LPXN: variants seen among roughly 807,000 people sequenced by gnomAD.
LPXN encodes the protein leupaxin.
Under a neutral mutation model 45.6 loss-of-function variants are expected in LPXN, and 28 were observed. The ratio of observed to expected loss-of-function variants is 0.61; its 90% CI spans 0.45 to 0.84. The LOEUF (loss-of-function observed/expected upper bound fraction) is 0.84. Among genes scored for constraint, LPXN ranks in the 40% least tolerant of loss-of-function variants. LPXN has a pLI of 0.00. For missense variants in LPXN, 459 were observed against 475.0 expected, an observed-to-expected ratio of 0.97 and a Z score of 0.31; for synonymous variants, 166 against 169.9, an observed-to-expected ratio of 0.98 and a Z score of 0.18.
chr11:58,559,098 C>T (rs370623255), intron 3 of LPXN, among the ~76,000 whole-genome samples: 1 of 152,032 alleles, frequency 6.6e-6, no homozygotes, highest in Middle Eastern at 3.4e-3. Context: ...TAAAAATACC[C>T]TCAACCTCAT....
In LPXN at chr11:58,570,619, C is replaced by A; in HGVS notation, c.108G>T (p.Lys36Asn). The A allele has an allele frequency of 6.2e-7, 1 of 1,613,744 alleles. No individual in the cohort carries two copies. Among genetic ancestry groups the A allele is most frequent in the Non-Finnish European group, 8.5e-7 (1 of 1,179,870 alleles). Residue 36 changes from lysine to asparagine, a missense_variant, in exon 2 of 9, where the codon AAG becomes AAT. By Grantham distance (94) the Lys-to-Asn change is moderately conservative. Transcript: ENST00000395074. The stretch of plus-strand genomic sequence containing the variant: ...CCGAAGTCTCATCAAGGTTAGTCTC[C>A]TTTCTGGAATGCTGATCCAGGGGAA... ...APLPLDQHSR[K>N]ETNLDETSEI...
upstream of LPXN, among the ~76,000 whole-genome samples, chr11:58,577,411 TAC>T (rs1854928816): frequency 6.6e-6 from 1 of 152,250 alleles, no homozygotes; most frequent in African/African-American, 2.4e-5. Flanking sequence ...AGCACTTGTC[TAC>T]AGTTTAACTG....
chr11:58,543,116 C>T (rs891583678), intron 7 of LPXN, among the ~76,000 whole-genome samples: 6 of 152,138 alleles, frequency 3.9e-5, no homozygotes, highest in Non-Finnish European at 5.9e-5. Context: ...CTCTCTCTCG[C>T]CATGCAGAGT....
In LPXN at chr11:58,527,714, T is replaced by G; in HGVS notation, c.901A>C (p.Thr301Pro). 1 of 1,613,770 alleles carries G rather than the reference T, an allele frequency of 6.2e-7. No homozygotes were observed. Among genetic ancestry groups the G allele is most frequent in the Non-Finnish European group, 8.5e-7 (1 of 1,179,888 alleles). ...PECFVCGDCF[T>P]SFSTGSFFEL... is the part of the protein sequence containing the mutation. ...AAGAAGGAGCCAGTAGAAAAACTGG[T>G]GAAGCAGTCCTGGGGTAGAGAGAAG... is the stretch of plus-strand genomic sequence containing the variant. Residue 301 changes from threonine to proline, a missense_variant, in exon 9 of 9, where the codon ACC becomes CCC. Transcript: ENST00000395074.
At position 58,527,451 on chromosome 11, in the gene LPXN, G is replaced by A. The variant is rs1319930927; in HGVS notation, c.*3C>T. 2 of 1,614,006 alleles carry A rather than the reference G, an allele frequency of 1.2e-6. No homozygotes were observed. Among genetic ancestry groups the A allele is most frequent in the South Asian group, 2.2e-5 (2 of 91,072 alleles). ...ATCTGAAGAGGCTATGGATCAGTTG[G>A]CATTACAGTGGGAAGAGCTTATTGA... On this transcript the variant is annotated 3_prime_UTR_variant, in exon 9 of 9. Coordinates refer to ENST00000395074, the MANE Select transcript of LPXN (RefSeq NM_004811.3).
Position 58,554,906 on chromosome 11 carries a change from A to C in LPXN, c.253T>G (p.Ser85Ala). 1 of 1,614,070 alleles carries C rather than the reference A, an allele frequency of 6.2e-7. No homozygotes were observed. Among genetic ancestry groups the C allele is most frequent in the Non-Finnish European group, 8.5e-7 (1 of 1,179,990 alleles). Residue 85 changes from serine (S) to alanine (A), a missense_variant, in exon 4 of 9, where the codon TCT (serine) becomes GCT (alanine). Ser to Ala is a moderately conservative substitution (Grantham distance 99). Transcript: ENST00000395074. ...AQEPKESPPP[S>A]KTSAAAQLDE... Reference sequence around the variant, plus strand: ...AACTGAGCAGCTGCTGACGTTTTAGAAGGTGGTGGTGATTCCTTTGGCTCT... The same window carrying C: ...AACTGAGCAGCTGCTGACGTTTTAGCAGGTGGTGGTGATTCCTTTGGCTCT...
intron 7 of LPXN, among the ~76,000 whole-genome samples, chr11:58,543,848 ATCTAGAAAACACTATT>A (rs1401778207): frequency 6.6e-6 from 1 of 152,200 alleles, no homozygotes; most frequent in African/African-American, 2.4e-5. Context: ...AAAGCAGACT[ATCTAGAAAACACTATT>A]TCTAGAAATC....
Position 58,570,693 on chromosome 11 carries a change from C to T in LPXN, c.34G>A (p.Glu12Lys). The T allele has an allele frequency of 1.2e-6, 2 of 1,609,912 alleles. No homozygotes were observed. Among genetic ancestry groups the T allele is most frequent in the Non-Finnish European group, 1.7e-6 (2 of 1,177,588 alleles). The part of the protein sequence containing the change: ...EELDALLEEL[E>K]RSTLQDSDEY... ...TCACTGTCCTGAAGGGTGGAGCGTT[C>T]CAGTTCCTCCAATAAGGCATCTACA... The change falls in exon 2 of 9, where the codon GAA (glutamate) becomes AAA (lysine). Residue 12 changes from glutamate to lysine, a missense_variant. Glu to Lys is a moderately conservative substitution (Grantham distance 56). Transcript: ENST00000395074.
chr11:58,569,899 G>C (rs1236076675), intron 2 of LPXN, among the ~76,000 whole-genome samples: 2 of 152,202 alleles, frequency 1.3e-5, no homozygotes, highest in East Asian at 3.8e-4. Context: ...TCTCTGGCCT[G>C]AGTACCATTC....
upstream of LPXN, among the ~76,000 whole-genome samples, chr11:58,577,550 T>C (rs950248607): frequency 9.2e-5 from 14 of 152,170 alleles, no homozygotes; most frequent in Admixed American, 2.6e-4. Context: ...CGTTCCTTGA[T>C]TGTAATGGAT....
upstream of LPXN, among the ~76,000 whole-genome samples, chr11:58,577,552 G>A (rs943526232): frequency 1.3e-5 from 2 of 152,160 alleles, no homozygotes; most frequent in South Asian, 2.1e-4. Flanking sequence ...TTCCTTGATT[G>A]TAATGGATGA....
upstream of LPXN, chr11:58,575,866 A>G: frequency 2.9e-5 from 47 of 1,612,602 alleles, no homozygotes; most frequent in Non-Finnish European, 3.7e-5. Context: ...TGGATGAGAC[A>G]GCATAAGGCA....
intron 2 of LPXN, 128 bp from the exon 3 acceptor site, chr11:58,564,329 A>G (rs1195847646): frequency 1.5e-6 from 1 of 662,732 alleles, no homozygotes; most frequent in Non-Finnish European, 2.7e-6. Context: ...TGGCATATCT[A>G]TGAGCTCTTC....
chr11:58,537,516 A>C (rs1419589062), intron 7 of LPXN, among the ~76,000 whole-genome samples: 2 of 151,954 alleles, frequency 1.3e-5, no homozygotes, highest in Non-Finnish European at 2.9e-5. Flanking sequence ...TGATGGAGGC[A>C]GGGGACTAGG....
At chr11:58,574,985 C>T (rs1854836780) in intron 1 of LPXN, among the ~76,000 whole-genome samples, 1 of 152,156 alleles carries the variant, frequency 6.6e-6, no homozygotes, top group Non-Finnish European at 1.5e-5. Flanking sequence ...AGTTTAGTGA[C>T]TCAGTGTTAG....
intron 7 of LPXN, among the ~76,000 whole-genome samples, chr11:58,532,655 T>C (rs1369976351): frequency 6.6e-6 from 1 of 152,216 alleles, no homozygotes; most frequent in Non-Finnish European, 1.5e-5. Context: ...TCAGGGATTG[T>C]AAATGCACCA....
chr11:58,544,253 A>G (rs961240339), intron 7 of LPXN, among the ~76,000 whole-genome samples: 9 of 152,214 alleles, frequency 5.9e-5, no homozygotes, highest in African/African-American at 2.2e-4. Flanking sequence ...GTAGCATAAT[A>G]GTGTTTCTCA....
rs192577210 is a variant in LPXN at position 58,566,092 on chromosome 11, T to C, written c.172-1891A>G. On this transcript the variant is annotated intron_variant, in intron 2 of 8. Coordinates refer to ENST00000395074, the MANE Select transcript of LPXN (RefSeq NM_004811.3). ...CATACCTTAATTGGTTATTTAGATA[T>C]TATTGTCTCTAGCATTGGGATGTGG... is the stretch of plus-strand genomic sequence containing the variant. Among the ~76,000 whole-genome samples the C allele has an allele frequency of 4.1e-3, 622 of 152,324 alleles. 3 individuals carry two copies. Among genetic ancestry groups the C allele is most frequent in the Non-Finnish European group, 6.8e-3 (461 of 68,020 alleles).
intron 7 of LPXN, among the ~76,000 whole-genome samples, chr11:58,541,103 C>T (rs1234150147): frequency 2.0e-5 from 3 of 152,162 alleles, no homozygotes; most frequent in Non-Finnish European, 4.4e-5. Flanking sequence ...AAAACCTAGG[C>T]ATTACCATTC....
Sources: allele counts gnomAD v4.1 joint callset (sites outside exome capture counted in the v4.1 genomes callset), GRCh38; gene constraint gnomAD v4.1.1; transcripts MANE v1.5; gene names NCBI Gene and HGNC (gene_info 2026-07-23, HGNC 2026-07-21).